NCAM2: variants seen among roughly 807,000 people sequenced by gnomAD.
NCAM2 encodes neural cell adhesion molecule 2.
NCAM2 carries 30 observed loss-of-function variants against 98.1 expected under a neutral mutation model. That is an observed-to-expected ratio of 0.31 (90% CI 0.23 to 0.41). The LOEUF is 0.41. Among genes scored for constraint, NCAM2 ranks in the 10% least tolerant of loss-of-function variants. NCAM2 has a pLI of 1.00. For synonymous variants in NCAM2, 368 were observed against 342.4 expected, an observed-to-expected ratio of 1.07 and a Z score of -0.83; for missense variants, 867 against 1,005.8, an observed-to-expected ratio of 0.86 and a Z score of 1.87.
chr21:21,534,289 A>G (rs1412035355), intron 16 of NCAM2, among the ~76,000 whole-genome samples: 1 of 152,086 alleles, frequency 6.6e-6, no homozygotes, highest in Non-Finnish European at 1.5e-5. Flanking sequence ...CCAATTTTGC[A>G]AAATAATTGA....
At chr21:21,223,018 GT>G (rs756743098) in intron 1 of NCAM2, among the ~76,000 whole-genome samples, 9 of 151,806 alleles carry the variant, frequency 5.9e-5, no homozygotes, top group Non-Finnish European at 1.3e-4. Context: ...CCCTCCACCA[GT>G]AAAAAAAAAT....
intron 11 of NCAM2, among the ~76,000 whole-genome samples, chr21:21,423,273 T>G (rs1178022854): frequency 6.6e-6 from 1 of 152,158 alleles, no homozygotes; most frequent in Non-Finnish European, 1.5e-5. Flanking sequence ...CCTCAGCTCT[T>G]TAAGAGTTTC....
chr21:21,464,984 T>C (rs912473061), intron 12 of NCAM2, among the ~76,000 whole-genome samples: 1 of 152,112 alleles, frequency 6.6e-6, no homozygotes, highest in Non-Finnish European at 1.5e-5. Context: ...AAATAATGTA[T>C]TATAATCTGA....
intron 10 of NCAM2, among the ~76,000 whole-genome samples, chr21:21,413,906 A>G (rs144787450): frequency 2.0e-5 from 3 of 152,302 alleles, no homozygotes; most frequent in Non-Finnish European, 2.9e-5. Flanking sequence ...AGGTGATGCT[A>G]TAAGGCTAAC....
At chr21:21,297,388 T>C (rs1265764629) in intron 5 of NCAM2, among the ~76,000 whole-genome samples, 1 of 151,696 alleles carries the variant, frequency 6.6e-6, no homozygotes, top group Non-Finnish European at 1.5e-5. Flanking sequence ...TTTTATTGGA[T>C]CTTCAGGTAA....
At chr21:21,047,866 A>G (rs1367121183) in intron 1 of NCAM2, among the ~76,000 whole-genome samples, 1 of 152,200 alleles carries the variant, frequency 6.6e-6, no homozygotes, top group African/African-American at 2.4e-5. Flanking sequence ...TGTCCTACAA[A>G]TCATAAATTC....
chr21:21,106,439 A>G (rs961955503), intron 1 of NCAM2, among the ~76,000 whole-genome samples: 13 of 151,998 alleles, frequency 8.6e-5, no homozygotes, highest in Non-Finnish European at 1.5e-4. Context: ...TTTTAAATAT[A>G]AAAATAATCC....
At chr21:21,225,504 C>G (rs1229206860) in intron 1 of NCAM2, among the ~76,000 whole-genome samples, 1 of 152,044 alleles carries the variant, frequency 6.6e-6, no homozygotes, top group African/African-American at 2.4e-5. Context: ...TCAAAGCTCA[C>G]ATCATGAATT....
chr21:21,424,157 A>T (rs2077167773), intron 11 of NCAM2, among the ~76,000 whole-genome samples: 1 of 152,246 alleles, frequency 6.6e-6, no homozygotes, highest in African/African-American at 2.4e-5. Flanking sequence ...AAACAGTGAT[A>T]TTCAGAAACT....
chr21:21,093,411 C>A (rs2066054209), intron 1 of NCAM2, among the ~76,000 whole-genome samples: 1 of 152,102 alleles, frequency 6.6e-6, no homozygotes, highest in South Asian at 2.1e-4. Context: ...ACATTTATGT[C>A]TGTGAACAGC....
chr21:21,068,076 T>G (rs2065477159), intron 1 of NCAM2, among the ~76,000 whole-genome samples: 2 of 152,100 alleles, frequency 1.3e-5, no homozygotes, highest in Non-Finnish European at 2.9e-5. Flanking sequence ...TTGTGAAAGA[T>G]GTACATAACC....
intron 1 of NCAM2, among the ~76,000 whole-genome samples, chr21:21,042,990 C>T (rs549140395): frequency 6.6e-6 from 1 of 152,246 alleles, no homozygotes; most frequent in South Asian, 2.1e-4. Flanking sequence ...GTCAATATAA[C>T]TTACTCAAGC....
chr21:21,443,534 C>G (rs1411117654), intron 12 of NCAM2, among the ~76,000 whole-genome samples: 1 of 151,828 alleles, frequency 6.6e-6, no homozygotes. Flanking sequence ...CTTTTATAAG[C>G]AATGAGTAAA....
intron 1 of NCAM2, among the ~76,000 whole-genome samples, chr21:21,230,169 A>C (rs1166833572): frequency 6.6e-6 from 1 of 151,226 alleles, no homozygotes; most frequent in Non-Finnish European, 1.5e-5. Context: ...GTTTGCAAAA[A>C]GAAAAAAAAT....
At position 21,432,263 on chromosome 21, in the gene NCAM2, C is replaced by T. The variant is rs1479947620; in HGVS notation, c.1636C>T (p.Arg546Cys). Residue 546 changes from arginine to cysteine, a missense_variant, in exon 12 of 18, where the codon CGC (arginine) becomes TGC (cysteine). This residue lies in a region of NCAM2 where 234 missense variants were observed against 333.8 expected (regional missense o/e 0.70). Coordinates refer to ENST00000400546, the MANE Select transcript of NCAM2 (RefSeq NM_004540.5). ...AGCGTCAGAAATCTGGAAAATTGTA[C>T]GCTCCCATGGAGTTCAAAGTGAGTC... ...EVASEIWKIV[R>C]SHGVQTMVVL... is the part of the protein sequence containing the mutation. The T allele has an allele frequency of 1.3e-5, 21 of 1,613,710 alleles. No homozygotes were observed. The highest frequency in any genetic ancestry group is 1.6e-4 in the Middle Eastern group (1 of 6,080).
intron 12 of NCAM2, among the ~76,000 whole-genome samples, chr21:21,446,997 A>G (rs996163240): frequency 8.5e-5 from 13 of 152,144 alleles, no homozygotes; most frequent in South Asian, 2.1e-4. Context: ...TCTACTTTCA[A>G]TGCTATTCCC....
At chr21:21,284,449 T>A in intron 3 of NCAM2, 49 bp downstream of exon 3, 1 of 1,379,560 alleles carries the variant, frequency 7.2e-7, no homozygotes, top group Admixed American at 1.8e-5. Flanking sequence ...CAGTTGCTTA[T>A]AAATAACCGA....
intron 1 of NCAM2, among the ~76,000 whole-genome samples, chr21:21,060,521 A>G (rs1370146477): frequency 3.3e-5 from 5 of 152,150 alleles, no homozygotes; most frequent in African/African-American, 9.7e-5. Flanking sequence ...AAATCAAAAC[A>G]TTATCAGAAA....
chr21:21,007,231 T>C (rs1010217658), intron 1 of NCAM2, among the ~76,000 whole-genome samples: 7 of 152,174 alleles, frequency 4.6e-5, no homozygotes, highest in African/African-American at 1.7e-4. Flanking sequence ...TTCTCAATAT[T>C]AATGAGAGGA....
Sources: gnomAD v4.1 joint callset for allele counts (sites outside exome capture counted in the v4.1 genomes callset) on GRCh38, gnomAD v4.1.1 for gene constraint, gnomAD v4.1.1 regional missense constraint, MANE v1.5 for transcripts, NCBI Gene and HGNC (gene_info 2026-07-23, HGNC 2026-07-21) for gene names.